Variants in SPAG9 observed in about 807,000 individuals in gnomAD.
SPAG9 encodes the protein sperm associated antigen 9.
SPAG9 carries 35 observed loss-of-function variants against 166.5 expected under a neutral mutation model. The ratio of observed to expected loss-of-function variants is 0.21; its 90% CI spans 0.16 to 0.28. SPAG9 has a LOEUF of 0.28. Among genes scored for constraint, SPAG9 ranks in the 10% least tolerant of loss-of-function variants. SPAG9 has a pLI of 1.00. For missense variants in SPAG9, 1,235 were observed against 1,603.3 expected (o/e 0.77, Z 3.92); for synonymous variants, 534 against 565.5 (o/e 0.94, Z 0.79).
In SPAG9 at chr17:51,006,386, CA is replaced by C; in HGVS notation, c.1272-150del. 4.3e-6 allele frequency: 3 copies of C among 703,828 alleles called. No individual in the cohort carries two copies. The South Asian group carries it at 7.1e-5, about 17-fold the overall frequency. The allele number at this position is 703,828 out of a possible 1,614,324, so 43.6% of individuals were successfully genotyped here. ...ACCCAATGTTGTTTGTAGATAAATGCAAAAAGAACACAAAGCAACAGTCTAA... is the reference window on the plus strand; with the variant it reads ...ACCCAATGTTGTTTGTAGATAAATGCAAAAGAACACAAAGCAACAGTCTAA... On this transcript the variant is annotated intron_variant, in intron 10 of 29. Coordinates refer to ENST00000262013, the MANE Select transcript of SPAG9 (RefSeq NM_001130528.3).
chr17:51,107,793 T>C (rs1033977667), intron 1 of SPAG9, among the ~76,000 whole-genome samples: 13 of 149,546 alleles, frequency 8.7e-5, no homozygotes, highest in Admixed American at 3.3e-4. Context: ...CTCACAACTA[T>C]AATCTCAGTT....
intron 20 of SPAG9, 180 bp from the exon 21 acceptor site, chr17:50,990,052 G>A (rs932913683): frequency 2.2e-5 from 14 of 630,070 alleles, no homozygotes; most frequent in Non-Finnish European, 3.8e-5. Flanking sequence ...TTTTGAGACA[G>A]AGTCTTGCTC....
chr17:50,984,901 T>A, intron 24 of SPAG9, 22 bp downstream of exon 24: 5 of 1,601,016 alleles, frequency 3.1e-6, no homozygotes, highest in Non-Finnish European at 4.3e-6. Flanking sequence ...AGTGTCCATG[T>A]TATACACACA....
chr17:51,070,095 C>A (rs2047782425), intron 2 of SPAG9, among the ~76,000 whole-genome samples: 1 of 149,176 alleles, frequency 6.7e-6, no homozygotes, highest in African/African-American at 2.5e-5. Flanking sequence ...AAAAAAAAAA[C>A]CTGTACTCCC....
rs944286286 is a variant in SPAG9, at chr17:51,107,330, T to C, written c.303+13024A>G. 7.9e-4 allele frequency among the ~76,000 whole-genome samples: 119 copies of C among 150,750 alleles called. 1 individual carries two copies. The highest frequency in any genetic ancestry group is 2.8e-3 in the African/African-American group (116 of 40,990). On this transcript the variant is annotated intron_variant, in intron 1 of 29. Coordinates refer to ENST00000262013, the MANE Select transcript of SPAG9 (RefSeq NM_001130528.3). ...TTGGGAGGCCAAGGCGGCAGATCAT[T>C]TGAGGCCAGGAGTTTGAGACCAGCC...
At chr17:51,014,680 T>C (rs531188642) in intron 8 of SPAG9, 1 of 194,120 alleles carries the variant, frequency 5.2e-6, no homozygotes, top group Non-Finnish European at 1.0e-5. Context: ...CAATTATGTA[T>C]GTAAAAGCTG....
chr17:50,996,456 G>A lies in SPAG9; in HGVS notation c.1968+109C>T, dbSNP rs145163106. 4.3e-5 allele frequency: 55 copies of A among 1,279,766 alleles called. No homozygotes were observed. The East Asian group carries it at 9.0e-4, about 21-fold the overall frequency. 79.3% of individuals were successfully genotyped at this position (1,279,766 alleles called of 1,614,324 possible). A position where few individuals can be genotyped will look rare whatever the true frequency, so the allele number is the denominator to read the frequency against. On this transcript the variant is annotated intron_variant, in intron 16 of 29. Coordinates refer to ENST00000262013, the MANE Select transcript of SPAG9 (RefSeq NM_001130528.3). ...GCTTAAATGTGTGCCCAGTCCATGC[G>A]GCTGAGATGAGCAGGGCTGGGATGC...
intron 2 of SPAG9, among the ~76,000 whole-genome samples, chr17:51,070,952 C>T (rs780480262): frequency 6.6e-6 from 1 of 152,032 alleles, no homozygotes; most frequent in African/African-American, 2.4e-5. Context: ...AGGAAAAATA[C>T]TTATGATAAT....
intron 8 of SPAG9, among the ~76,000 whole-genome samples, chr17:51,015,132 G>A (rs2045643260): frequency 6.6e-6 from 1 of 152,130 alleles, no homozygotes; most frequent in African/African-American, 2.4e-5. Context: ...CAGATGAAAT[G>A]TGAACAAAAT....
intron 1 of SPAG9, among the ~76,000 whole-genome samples, chr17:51,119,807 C>G (rs2049417799): frequency 6.6e-6 from 1 of 152,026 alleles, no homozygotes; most frequent in Non-Finnish European, 1.5e-5. Flanking sequence ...AAGTGTCAAC[C>G]AAGGCACATA....
intron 1 of SPAG9, among the ~76,000 whole-genome samples, chr17:51,083,592 G>A (rs1416810518): frequency 7.7e-6 from 1 of 130,564 alleles, no homozygotes; most frequent in Non-Finnish European, 1.7e-5. Flanking sequence ...TAAGATGTAG[G>A]TCTCACTATG....
At chr17:51,087,646 A>G (rs993442302) in intron 1 of SPAG9, among the ~76,000 whole-genome samples, 1 of 152,206 alleles carries the variant, frequency 6.6e-6, no homozygotes, top group Admixed American at 6.6e-5. Context: ...TTGGGCTGGT[A>G]GCACATGAGT....
At chr17:51,046,825 C>A in intron 4 of SPAG9, 1 of 1,532,834 alleles carries the variant, frequency 6.5e-7, no homozygotes, top group Non-Finnish European at 8.7e-7. Flanking sequence ...GCGATGACGT[C>A]ATTCCGTTCT....
At chr17:51,016,732 C>T (rs1004988876) in intron 8 of SPAG9, among the ~76,000 whole-genome samples, 1 of 151,960 alleles carries the variant, frequency 6.6e-6, no homozygotes, top group East Asian at 1.9e-4. Flanking sequence ...TGGTGAAACC[C>T]CGTCTCTACT....
At chr17:50,970,386 T>C (rs1157411067) in intron 29 of SPAG9, among the ~76,000 whole-genome samples, 1 of 151,792 alleles carries the variant, frequency 6.6e-6, no homozygotes, top group Non-Finnish European at 1.5e-5. Flanking sequence ...TGGTGGTGCA[T>C]GTCTGTAATT....
intron 29 of SPAG9, among the ~76,000 whole-genome samples, chr17:50,969,215 A>G (rs1313428018): frequency 6.6e-6 from 1 of 151,954 alleles, no homozygotes; most frequent in Non-Finnish European, 1.5e-5. Flanking sequence ...ACAGCCCCCA[A>G]ATCCCTCCCT....
chr17:50,966,057 T>C lies in SPAG9; in HGVS notation c.*215A>G, dbSNP rs1973343582. ...AACATTCTTTGATTTGTTCATAATATACTGAAGTTACCTATAACACTGGTG... is the reference window on the plus strand; with the variant it reads ...AACATTCTTTGATTTGTTCATAATACACTGAAGTTACCTATAACACTGGTG... On this transcript the variant is annotated 3_prime_UTR_variant, in exon 30 of 30. Transcript: ENST00000262013. 5.8e-6 allele frequency: 3 copies of C among 521,068 alleles called. No individual in the cohort carries two copies. Among genetic ancestry groups the C allele is most frequent in the Non-Finnish European group, 1.0e-5 (3 of 287,178 alleles). The allele number at this position is 521,068 out of a possible 1,614,324, so 32.3% of individuals were successfully genotyped here.
intron 1 of SPAG9, among the ~76,000 whole-genome samples, chr17:51,106,824 C>T (rs1007854253): frequency 4.0e-5 from 6 of 151,368 alleles, no homozygotes; most frequent in Admixed American, 2.0e-4. Flanking sequence ...ATAAAAAAGT[C>T]CGGGTGCAGT....
intron 1 of SPAG9, among the ~76,000 whole-genome samples, chr17:51,103,451 G>C (rs1345329483): frequency 2.0e-5 from 3 of 152,164 alleles, no homozygotes; most frequent in African/African-American, 7.2e-5. Context: ...GAAAAGAAGA[G>C]AAAGTGAGTG....
Sources: gnomAD v4.1 joint callset for allele counts (sites outside exome capture counted in the v4.1 genomes callset) on GRCh38, gnomAD v4.1.1 for gene constraint, MANE v1.5 for transcripts, NCBI Gene and HGNC (gene_info 2026-07-23, HGNC 2026-07-21) for gene names.